Variants in BBS9 observed in about 807,000 individuals in gnomAD.
The protein encoded by BBS9 is Bardet-Biedl syndrome 9, also known as protein PTHB1.
In BBS9, 89 loss-of-function variants were observed where a neutral mutation model predicts 117.7. The ratio of observed to expected loss-of-function variants is 0.76; its 90% CI spans 0.64 to 0.90. The LOEUF is 0.90. Ranked by LOEUF, BBS9 falls within the 40% of genes least tolerant of loss-of-function variation. The probability of loss-of-function intolerance (pLI) is 0.00; values close to 1 mark genes in which losing one functional copy is unlikely to be tolerated. For missense variants in BBS9, 982 were observed against 1,042.2 expected, an observed-to-expected ratio of 0.94 and a Z score of 0.80; for synonymous variants, 379 against 370.9, an observed-to-expected ratio of 1.02 and a Z score of -0.25.
chr7:33,549,078 G>A (rs1853918111), intron 21 of BBS9, among the ~76,000 whole-genome samples: 2 of 150,146 alleles, frequency 1.3e-5, no homozygotes, highest in Non-Finnish European at 2.9e-5. Flanking sequence ...CCAAAACAGA[G>A]TTATAGATCA....
chr7:33,237,167 T>C (rs1180321877), intron 5 of BBS9, among the ~76,000 whole-genome samples: 1 of 152,228 alleles, frequency 6.6e-6, no homozygotes, highest in Non-Finnish European at 1.5e-5. Flanking sequence ...AATAAAATAG[T>C]GAGCAACCTT....
intron 19 of BBS9, among the ~76,000 whole-genome samples, chr7:33,489,340 T>TC (rs1352874918): frequency 1.3e-5 from 2 of 149,792 alleles, no homozygotes; most frequent in African/African-American, 4.9e-5. Flanking sequence ...GCTTTTTTTT[T>TC]TTTTTTTTTT....
intron 21 of BBS9, among the ~76,000 whole-genome samples, chr7:33,569,451 A>G (rs1294463191): frequency 2.0e-5 from 3 of 152,094 alleles, no homozygotes; most frequent in Admixed American, 2.0e-4. Context: ...ATATGCAGAT[A>G]TATAAATGCA....
At chr7:33,425,619 A>G (rs1833550695) in intron 19 of BBS9, among the ~76,000 whole-genome samples, 1 of 152,138 alleles carries the variant, frequency 6.6e-6, no homozygotes, top group Non-Finnish European at 1.5e-5. Context: ...TGCTGTGTCG[A>G]AATGGACAGC....
At chr7:33,593,559 A>C (rs2129182842) in intron 21 of BBS9, among the ~76,000 whole-genome samples, 1 of 152,262 alleles carries the variant, frequency 6.6e-6, no homozygotes, top group East Asian at 1.9e-4. Context: ...CAGTGAACAG[A>C]GCTCTGAGTT....
chr7:33,435,208 G>C (rs1455050949), intron 19 of BBS9, among the ~76,000 whole-genome samples: 1 of 152,002 alleles, frequency 6.6e-6, no homozygotes, highest in Non-Finnish European at 1.5e-5. Context: ...TCTTACTGAT[G>C]GTAAAAGGGA....
At chr7:33,342,859 A>G (rs1429076743) in intron 11 of BBS9, among the ~76,000 whole-genome samples, 2 of 152,228 alleles carry the variant, frequency 1.3e-5, no homozygotes, top group Admixed American at 1.3e-4. Flanking sequence ...AGCTAAATGT[A>G]AAATATTTCC....
intron 5 of BBS9, among the ~76,000 whole-genome samples, chr7:33,211,957 C>G (rs1788108917): frequency 6.6e-6 from 1 of 152,138 alleles, no homozygotes; most frequent in Non-Finnish European, 1.5e-5. Context: ...TAGAGCTCCA[C>G]TGTATATTAT....
At chr7:33,458,187 C>T (rs1838933745) in intron 19 of BBS9, among the ~76,000 whole-genome samples, 3 of 152,086 alleles carry the variant, frequency 2.0e-5, no homozygotes. Flanking sequence ...CTGTTTATAT[C>T]ACTCTTTAAG....
chr7:33,158,228 G>A (rs868472362), intron 4 of BBS9, among the ~76,000 whole-genome samples: 2 of 152,076 alleles, frequency 1.3e-5, no homozygotes, highest in African/African-American at 2.4e-5. Context: ...AAATTGCACC[G>A]AAAACTGTTG....
In BBS9 at chr7:33,605,266, T is replaced by G. The variant is rs201832425; in HGVS notation, c.*40T>G. 93 of 1,593,844 alleles carry G rather than the reference T, an allele frequency of 5.8e-5. No homozygotes were observed. The African/African-American group carries it at 1.1e-3, about 19-fold the overall frequency. On this transcript the variant is annotated 3_prime_UTR_variant, in exon 23 of 23. Coordinates refer to ENST00000242067, the MANE Select transcript of BBS9 (RefSeq NM_198428.3). ...TTTGGTTGAGAGGAACATCCCCATC[T>G]CAAGGCCGAACCTGTGTGAACCTCA...
chr7:33,412,942 T>A (rs1831391573), intron 19 of BBS9, among the ~76,000 whole-genome samples: 1 of 152,322 alleles, frequency 6.6e-6, no homozygotes, highest in East Asian at 1.9e-4. Flanking sequence ...AAAAAATGAT[T>A]TTATGTAAAA....
At chr7:33,277,391 C>T (rs1211033341) in intron 9 of BBS9, among the ~76,000 whole-genome samples, 1 of 152,152 alleles carries the variant, frequency 6.6e-6, no homozygotes, top group Non-Finnish European at 1.5e-5. Flanking sequence ...TAGTTGGTTC[C>T]CTTTTTATAT....
intron 20 of BBS9, among the ~76,000 whole-genome samples, chr7:33,507,633 C>G (rs1846336978): frequency 6.6e-6 from 1 of 152,164 alleles, no homozygotes; most frequent in Non-Finnish European, 1.5e-5. Context: ...ATCCTCAGTA[C>G]CTGGCACAGT....
intron 5 of BBS9, among the ~76,000 whole-genome samples, chr7:33,222,632 A>G (rs1439184097): frequency 1.3e-5 from 2 of 151,684 alleles, no homozygotes; most frequent in African/African-American, 2.4e-5. Context: ...CACAAATCTG[A>G]TCTTGTCTTT....
At chr7:33,280,917 T>TTG (rs1801741983) in intron 9 of BBS9, among the ~76,000 whole-genome samples, 2 of 146,834 alleles carry the variant, frequency 1.4e-5, no homozygotes, top group African/African-American at 2.5e-5. Flanking sequence ...TTTTGTTTTT[T>TTG]TTTTTTTTTT....
chr7:33,274,087 T>C (rs1239484812), intron 9 of BBS9, 131 bp downstream of exon 9: 2 of 926,240 alleles, frequency 2.2e-6, no homozygotes, highest in Non-Finnish European at 1.6e-6. Flanking sequence ...ATGTCAATAA[T>C]AAAAGTAATT....
At chr7:33,173,743 C>T (rs1178803038) in intron 4 of BBS9, among the ~76,000 whole-genome samples, 1 of 152,088 alleles carries the variant, frequency 6.6e-6, no homozygotes, top group East Asian at 1.9e-4. Flanking sequence ...TTTGCCATTT[C>T]TGTTAGACTT....
At chr7:33,268,121 C>A (rs1388983270) in intron 7 of BBS9, among the ~76,000 whole-genome samples, 1 of 152,162 alleles carries the variant, frequency 6.6e-6, no homozygotes, top group Non-Finnish European at 1.5e-5. Context: ...GGTTTTGCAG[C>A]CTGGCTGGTG....
Sources: allele counts gnomAD v4.1 joint callset (sites outside exome capture counted in the v4.1 genomes callset), GRCh38; gene constraint gnomAD v4.1.1; transcripts MANE v1.5; gene names NCBI Gene and HGNC (gene_info 2026-07-23, HGNC 2026-07-21).